MAPRE2: variants seen among roughly 807,000 people sequenced by gnomAD.
MAPRE2 encodes the protein microtubule-associated protein RP/EB family member 2.
In MAPRE2, 13 loss-of-function variants were observed where a neutral mutation model predicts 43.2. That is an observed-to-expected ratio of 0.30 (90% CI 0.20 to 0.48). The LOEUF (loss-of-function observed/expected upper bound fraction) is 0.48. Ranked by LOEUF, MAPRE2 falls within the 20% of genes least tolerant of loss-of-function variation. The pLI is 0.99. For synonymous variants in MAPRE2, 135 were observed against 148.8 expected, an observed-to-expected ratio of 0.91 and a Z score of 0.68; for missense variants, 161 against 400.2, an observed-to-expected ratio of 0.40 and a Z score of 5.10.
At chr18:35,123,092 C>G (rs1909759800) in intron 4 of MAPRE2, among the ~76,000 whole-genome samples, 1 of 152,230 alleles carries the variant, frequency 6.6e-6, no homozygotes, top group South Asian at 2.1e-4. Context: ...TCTCACTGCT[C>G]TCCTGGCCAG....
At chr18:35,091,417 A>G (rs1219080603) in intron 2 of MAPRE2, among the ~76,000 whole-genome samples, 1 of 152,204 alleles carries the variant, frequency 6.6e-6, no homozygotes, top group African/African-American at 2.4e-5. Flanking sequence ...CCCAAATCTT[A>G]AAGTATCTGA....
chr18:35,049,940 G>A (rs372690387), intron 1 of MAPRE2, among the ~76,000 whole-genome samples: 6 of 152,222 alleles, frequency 3.9e-5, no homozygotes, highest in East Asian at 3.9e-4. Context: ...TCAAAAAGTC[G>A]AGGAAAAGTA....
intron 2 of MAPRE2, among the ~76,000 whole-genome samples, chr18:35,033,991 T>A (rs1332344692): frequency 6.6e-6 from 1 of 151,362 alleles, no homozygotes; most frequent in East Asian, 1.9e-4. Context: ...AATGACTTTC[T>A]TCACAGAATT....
At chr18:35,055,300 A>G (rs897829545) in intron 1 of MAPRE2, among the ~76,000 whole-genome samples, 13 of 151,974 alleles carry the variant, frequency 8.6e-5, no homozygotes, top group Admixed American at 3.3e-4. Flanking sequence ...TTTGGCCCCC[A>G]TGTGCTCCTT....
At chr18:35,122,619 C>A (rs979303073) in intron 4 of MAPRE2, among the ~76,000 whole-genome samples, 4 of 152,220 alleles carry the variant, frequency 2.6e-5, no homozygotes, top group African/African-American at 9.7e-5. Context: ...TGCACTGTGT[C>A]CCCGTTAGTG....
chr18:34,982,799 C>G (rs530007522), intron 1 of MAPRE2, among the ~76,000 whole-genome samples: 19 of 152,298 alleles, frequency 1.2e-4, no homozygotes, highest in African/African-American at 4.3e-4. Context: ...TTTCTAGAAT[C>G]AGCAAACTAT....
intron 3 of MAPRE2, among the ~76,000 whole-genome samples, chr18:35,097,846 T>C (rs529094622): frequency 2.0e-5 from 3 of 152,338 alleles, no homozygotes; most frequent in Non-Finnish European, 4.4e-5. Context: ...ATTAGTTAAA[T>C]TTAGCATTGC....
chr18:34,987,177 TAATAGAATA>T (rs932442796), intron 1 of MAPRE2, among the ~76,000 whole-genome samples: 3 of 152,236 alleles, frequency 2.0e-5, no homozygotes, highest in African/African-American at 7.2e-5. Flanking sequence ...ACCAATTTTT[TAATAGAATA>T]AATACTTCAA....
chr18:34,978,391 G>T, intron 1 of MAPRE2: 2 of 864,500 alleles, frequency 2.3e-6, no homozygotes, highest in South Asian at 1.4e-5. Context: ...GGGCCGCGCT[G>T]CGAGGCGGAG....
At chr18:35,066,808 G>A (rs1237243086) in intron 1 of MAPRE2, among the ~76,000 whole-genome samples, 1 of 152,182 alleles carries the variant, frequency 6.6e-6, no homozygotes, top group Non-Finnish European at 1.5e-5. Context: ...TTGGGTTCGG[G>A]GCAAACATTG....
At chr18:35,114,874 CA>C (rs759319594) in intron 4 of MAPRE2, among the ~76,000 whole-genome samples, 2 of 152,146 alleles carry the variant, frequency 1.3e-5, no homozygotes, top group Non-Finnish European at 2.9e-5. Flanking sequence ...CTTTTCTCTC[CA>C]TAGGAATAAT....
At chr18:35,120,697 C>T (rs1318502142) in intron 4 of MAPRE2, among the ~76,000 whole-genome samples, 1 of 152,196 alleles carries the variant, frequency 6.6e-6, no homozygotes, top group African/African-American at 2.4e-5. Flanking sequence ...ATCAGTCTAG[C>T]CCATACCCTT....
intron 6 of MAPRE2, 137 bp from the exon 7 acceptor site, chr18:35,140,143 CTGGGAGACGTTTGCA>C: frequency 1.6e-6 from 1 of 638,880 alleles, no homozygotes; most frequent in Non-Finnish European, 2.8e-6. Context: ...ACACCGGAAG[CTGGGAGACGTTTGCA>C]TGGCGAGTTG....
intron 1 of MAPRE2, among the ~76,000 whole-genome samples, chr18:34,983,145 TTTTTTG>T (rs1380936523): frequency 9.8e-5 from 15 of 152,326 alleles, no homozygotes; most frequent in East Asian, 7.7e-4. Context: ...AGCCTTAGTC[TTTTTTG>T]TTTTTGTTTT....
intron 4 of MAPRE2, among the ~76,000 whole-genome samples, chr18:35,105,296 C>G (rs1908852842): frequency 6.6e-6 from 1 of 152,050 alleles, no homozygotes; most frequent in African/African-American, 2.4e-5. Flanking sequence ...GTTCCTGATA[C>G]CTTGACCATG....
intron 1 of MAPRE2, among the ~76,000 whole-genome samples, 194 bp from the exon 2 acceptor site, chr18:35,070,001 T>G (rs1907027079): frequency 6.6e-6 from 1 of 152,218 alleles, no homozygotes; most frequent in Non-Finnish European, 1.5e-5. Flanking sequence ...TATAAAATGG[T>G]ACTGCATGAA....
At chr18:34,984,477 GT>G (rs1181183980) in intron 1 of MAPRE2, 2 of 150,332 alleles carry the variant, frequency 1.3e-5, no homozygotes, top group Non-Finnish European at 3.0e-5. Flanking sequence ...ATTAACGTAA[GT>G]TTTGAGGTAC....
intron 5 of MAPRE2, 71 bp downstream of exon 5, chr18:35,127,158 C>T (rs760280310): frequency 6.5e-7 from 1 of 1,539,938 alleles, no homozygotes; most frequent in Non-Finnish European, 9.0e-7. Context: ...CTAGGATCCC[C>T]TAGGACTGGG....
chr18:34,985,761 A>AT (rs887338325), intron 1 of MAPRE2, among the ~76,000 whole-genome samples: 12 of 132,190 alleles, frequency 9.1e-5, no homozygotes, highest in Non-Finnish European at 1.7e-4. Flanking sequence ...TAATATATAA[A>AT]ATATATTACA....
Sources: allele counts gnomAD v4.1 joint callset (sites outside exome capture counted in the v4.1 genomes callset), GRCh38; gene constraint gnomAD v4.1.1; transcripts MANE v1.5; gene names NCBI Gene and HGNC (gene_info 2026-07-23, HGNC 2026-07-21).